PDE11A: variants seen among roughly 807,000 people sequenced by gnomAD.
PDE11A encodes dual 3',5'-cyclic-AMP and -GMP phosphodiesterase 11A.
A neutral mutation model predicts 100.5 loss-of-function variants in PDE11A; 100 were observed. The observed-to-expected ratio is 1.00, with a 90% confidence interval of 0.85 to 1.18. The LOEUF (loss-of-function observed/expected upper bound fraction) is 1.18, where lower values mean the gene tolerates loss of function less well. Among genes scored for constraint, PDE11A ranks in the 50% most tolerant of loss-of-function variants. The pLI is 0.00. For missense variants in PDE11A, 1,141 were observed against 1,152.6 expected (o/e 0.99, Z 0.15); for synonymous variants, 381 against 420.8 (o/e 0.91, Z 1.16).
intron 16 of PDE11A, chr2:177,675,797 C>A (rs2080764479): frequency 1.8e-6 from 1 of 565,756 alleles, no homozygotes; most frequent in Non-Finnish European, 3.3e-6. Flanking sequence ...TTTCTGTACA[C>A]CTGAGCTAAG....
At chr2:177,693,273 G>C (rs1262052655) in intron 15 of PDE11A, among the ~76,000 whole-genome samples, 1 of 152,134 alleles carries the variant, frequency 6.6e-6, no homozygotes, top group Non-Finnish European at 1.5e-5. Context: ...GACAGCTGCA[G>C]GAATGCCCAG....
intron 9 of PDE11A, among the ~76,000 whole-genome samples, chr2:177,813,565 T>G (rs571316795): frequency 6.6e-6 from 1 of 152,248 alleles, no homozygotes; most frequent in East Asian, 1.9e-4. Flanking sequence ...GGAATATATA[T>G]GGAGAATATT....
At chr2:177,652,072 G>A (rs573670217) in intron 19 of PDE11A, among the ~76,000 whole-genome samples, 32 of 152,268 alleles carry the variant, frequency 2.1e-4, no homozygotes, top group Admixed American at 8.5e-4. Flanking sequence ...ACTCTCTTGC[G>A]CTTGCTTTGT....
At chr2:177,971,595 A>T (rs2105797466) in intron 2 of PDE11A, among the ~76,000 whole-genome samples, 1 of 152,320 alleles carries the variant, frequency 6.6e-6, no homozygotes, top group Non-Finnish European at 1.5e-5. Context: ...AGAACACCAA[A>T]TAGGGACATC....
chr2:177,805,794 T>G (rs1296427752), intron 9 of PDE11A, among the ~76,000 whole-genome samples: 1 of 152,146 alleles, frequency 6.6e-6, no homozygotes, highest in Non-Finnish European at 1.5e-5. Context: ...CAATTTATGG[T>G]TAGGTAAAGA....
chr2:177,701,074 T>C lies in PDE11A; in HGVS notation c.2244+47A>G, dbSNP rs974971564. On this transcript the variant is annotated intron_variant, in intron 14 of 19. Transcript: ENST00000286063. ...AGGAAGAGAGGGAGGAAACAAAGAG[T>C]TGTTTTGGTTTCTGTTAAGGGGAGA... is the stretch of plus-strand genomic sequence containing the variant. The C allele has an allele frequency of 3.0e-6, 3 of 994,346 alleles. No individual in the cohort carries two copies. The East Asian group carries it at 7.1e-5, about 24-fold the overall frequency. 61.6% of individuals were successfully genotyped at this position (994,346 alleles called of 1,614,324 possible). A position where few individuals can be genotyped will look rare whatever the true frequency, so the allele number is the denominator to read the frequency against.
At chr2:177,716,050 G>A (rs144292793) in intron 12 of PDE11A, among the ~76,000 whole-genome samples, 3 of 152,352 alleles carry the variant, frequency 2.0e-5, no homozygotes, top group East Asian at 1.9e-4. Flanking sequence ...GTGTAAACAC[G>A]TGTGTTGGCA....
At chr2:178,095,364 C>A (rs1325374314) in intron 2 of PDE11A, among the ~76,000 whole-genome samples, 2 of 152,204 alleles carry the variant, frequency 1.3e-5, no homozygotes, top group African/African-American at 4.8e-5. Context: ...CTTAAAGCTC[C>A]AAAATGATCT....
intron 9 of PDE11A, among the ~76,000 whole-genome samples, chr2:177,789,095 T>C (rs1219231404): frequency 6.6e-6 from 1 of 152,174 alleles, no homozygotes; most frequent in African/African-American, 2.4e-5. Flanking sequence ...AAAAAGAGAA[T>C]TTTAGACCAA....
At chr2:177,761,736 C>T (rs1162928656) in intron 10 of PDE11A, among the ~76,000 whole-genome samples, 1 of 152,056 alleles carries the variant, frequency 6.6e-6, no homozygotes, top group Non-Finnish European at 1.5e-5. Context: ...AGGATGGGTG[C>T]AAACATATAA....
At chr2:177,947,349 G>C (rs1261512292) in intron 2 of PDE11A, among the ~76,000 whole-genome samples, 1 of 151,000 alleles carries the variant, frequency 6.6e-6, no homozygotes, top group Non-Finnish European at 1.5e-5. Flanking sequence ...GCAAAAGATT[G>C]AGAAATCGGA....
intron 19 of PDE11A, among the ~76,000 whole-genome samples, chr2:177,646,155 G>A (rs1249476995): frequency 6.6e-6 from 1 of 152,174 alleles, no homozygotes; most frequent in Non-Finnish European, 1.5e-5. Context: ...AAACTAAAAT[G>A]TTTACAGGGC....
At chr2:177,707,137 C>T (rs1293418861) in intron 13 of PDE11A, among the ~76,000 whole-genome samples, 1 of 152,122 alleles carries the variant, frequency 6.6e-6, no homozygotes, top group Non-Finnish European at 1.5e-5. Flanking sequence ...AACAGACAGC[C>T]CTGGTCCAGG....
chr2:178,044,535 T>C (rs2086725898), intron 1 of PDE11A, among the ~76,000 whole-genome samples: 1 of 151,790 alleles, frequency 6.6e-6, no homozygotes, highest in African/African-American at 2.4e-5. Flanking sequence ...GTTTCTGATA[T>C]AAACCTCTCA....
At chr2:177,821,608 T>C (rs998677478) in intron 6 of PDE11A, among the ~76,000 whole-genome samples, 4 of 151,824 alleles carry the variant, frequency 2.6e-5, no homozygotes, top group Non-Finnish European at 5.9e-5. Context: ...TCCAGTTGAT[T>C]TATATCATCA....
chr2:177,740,159 G>C (rs893978656), intron 10 of PDE11A, among the ~76,000 whole-genome samples: 3 of 152,220 alleles, frequency 2.0e-5, no homozygotes, highest in Admixed American at 2.0e-4. Context: ...TGCCTGGACT[G>C]TGTTGTTGGT....
intron 2 of PDE11A, among the ~76,000 whole-genome samples, chr2:177,957,117 T>C (rs917711703): frequency 1.3e-5 from 2 of 151,868 alleles, no homozygotes; most frequent in South Asian, 4.2e-4. Context: ...GGCTGGTCCA[T>C]AGATCAGACT....
intron 5 of PDE11A, among the ~76,000 whole-genome samples, chr2:177,852,115 G>T (rs1032447349): frequency 2.6e-5 from 4 of 152,120 alleles, no homozygotes; most frequent in Admixed American, 2.6e-4. Context: ...CCTCAAAGTT[G>T]CCATTTTCAA....
At chr2:177,706,508 G>A (rs145304283) in intron 13 of PDE11A, among the ~76,000 whole-genome samples, 2 of 152,246 alleles carry the variant, frequency 1.3e-5, no homozygotes, top group Non-Finnish European at 2.9e-5. Flanking sequence ...CTCAACAATG[G>A]CACACTCACT....
Sources: gnomAD v4.1 joint callset for allele counts (sites outside exome capture counted in the v4.1 genomes callset) on GRCh38, gnomAD v4.1.1 for gene constraint, MANE v1.5 for transcripts, NCBI Gene and HGNC (gene_info 2026-07-23, HGNC 2026-07-21) for gene names.